Variants in NSD3 observed in about 807,000 individuals in gnomAD.
NSD3 encodes nuclear receptor binding SET domain protein 3, also known as histone-lysine N-methyltransferase NSD3.
NSD3 carries 24 observed loss-of-function variants against 160.8 expected under a neutral mutation model. That is an observed-to-expected ratio of 0.15 (90% CI 0.11 to 0.21). NSD3 has a LOEUF of 0.21. Among genes scored for constraint, NSD3 ranks in the 10% least tolerant of loss-of-function variants. NSD3 has a pLI of 1.00. For missense variants in NSD3, 1,157 were observed against 1,735.9 expected (o/e 0.67, Z 5.93); for synonymous variants, 520 against 600.0 (o/e 0.87, Z 1.95).
chr8:38,367,838 G>A (rs1006985421), intron 1 of NSD3, among the ~76,000 whole-genome samples: 4 of 152,160 alleles, frequency 2.6e-5, no homozygotes, highest in Non-Finnish European at 4.4e-5. Flanking sequence ...TAGTGACATA[G>A]ATAGGATTTT....
At chr8:38,338,860 G>A (rs971812531) in intron 2 of NSD3, among the ~76,000 whole-genome samples, 1 of 151,904 alleles carries the variant, frequency 6.6e-6, no homozygotes, top group East Asian at 1.9e-4. Flanking sequence ...TTAATTTCTA[G>A]GCCGGGTGCA....
Position 38,347,750 on chromosome 8 carries a change from T to G in NSD3, c.422A>C (p.Gln141Pro), listed in dbSNP as rs1563363830. Residue 141 changes from glutamine (Q) to proline (P), a missense_variant, in exon 2 of 24, where the codon CAA becomes CCA. Gln to Pro is a moderately conservative substitution (Grantham distance 76). Around this residue, in one of 10 missense-constraint regions of NSD3, gnomAD observed 121 missense variants for 177.2 expected, o/e 0.68. Coordinates refer to ENST00000317025, the MANE Select transcript of NSD3 (RefSeq NM_023034.2). ...PQPPPPPSVP[Q>P]TVIPKKTGSP... The stretch of plus-strand genomic sequence containing the variant: ...GCCAGTCTTCTTTGGAATCACAGTT[T>G]GTGGTACCGAAGGAGGAGGTGGTGG... 6.2e-7 allele frequency: 1 copy of G among 1,612,762 alleles called. No homozygotes were observed.
chr8:38,319,965 A>G lies in NSD3; in HGVS notation c.1810-1025T>C, dbSNP rs1462129210. ...TATTAGTTTAAAACTGACTGGTCAC[A>G]GACTGATTTTGGGAACCAGCTGGCA... On this transcript the variant is annotated intron_variant, in intron 8 of 23. Transcript: ENST00000317025. The surrounding 1 kb of genome is among the most constrained non-coding windows in gnomAD (Gnocchi z 4.1). The G allele has an allele frequency of 1.3e-5, 2 of 152,196 alleles. No homozygotes were observed. Among genetic ancestry groups the G allele is most frequent in the African/African-American group, 4.8e-5 (2 of 41,454 alleles). The allele number at this position is 152,196 out of a possible 1,614,324, so 9.4% of individuals were successfully genotyped here.
intron 4 of NSD3, among the ~76,000 whole-genome samples, chr8:38,334,063 G>C (rs558929135): frequency 1.3e-5 from 2 of 152,182 alleles, no homozygotes; most frequent in African/African-American, 4.8e-5. Flanking sequence ...AGCATAAAAT[G>C]CTTAATAGGC....
At position 38,318,660 on chromosome 8, in the gene NSD3, A is replaced by C. The variant is rs1414154879; in HGVS notation, c.1855+235T>G. Reference sequence around the variant, plus strand: ...TGGAGAAAAGTTGGAAACAGTATCAAGTCTACGTTGTGTTCTCCAATTTAC... The same window carrying C: ...TGGAGAAAAGTTGGAAACAGTATCACGTCTACGTTGTGTTCTCCAATTTAC... On this transcript the variant is annotated intron_variant, in intron 9 of 23. Coordinates refer to ENST00000317025, the MANE Select transcript of NSD3 (RefSeq NM_023034.2). This position sits in a 1 kb window ranked among gnomAD's most constrained non-coding sequence, Gnocchi z 5.3. 6.6e-6 allele frequency among the ~76,000 whole-genome samples: 1 copy of C among 152,196 alleles called. No homozygotes were observed. The highest frequency in any genetic ancestry group is 6.5e-5 in the Admixed American group (1 of 15,280).
intron 1 of NSD3, among the ~76,000 whole-genome samples, chr8:38,372,565 C>T (rs1426807341): frequency 6.7e-6 from 1 of 149,516 alleles, no homozygotes; most frequent in Non-Finnish European, 1.5e-5. Flanking sequence ...GACGTAATCT[C>T]GGCTCATTGC....
At chr8:38,354,836 G>A (rs1425951246) in intron 1 of NSD3, among the ~76,000 whole-genome samples, 2 of 152,058 alleles carry the variant, frequency 1.3e-5, no homozygotes, top group Non-Finnish European at 2.9e-5. Flanking sequence ...CTGGTGCCAT[G>A]TTCTAAGCAA....
chr8:38,300,071 T>C (rs1027333832), intron 14 of NSD3, among the ~76,000 whole-genome samples: 1 of 152,098 alleles, frequency 6.6e-6, no homozygotes, highest in Non-Finnish European at 1.5e-5. Context: ...TCTATTCATA[T>C]CTTCAGACAT....
At position 38,297,160 on chromosome 8, in the gene NSD3, T is replaced by C. The variant is rs141497369; in HGVS notation, c.2759-1208A>G. 3.9e-3 allele frequency among the ~76,000 whole-genome samples: 591 copies of C among 152,298 alleles called. 13 individuals are homozygous for C. The highest frequency in any genetic ancestry group is 0.034 in the Admixed American group (521 of 15,294). ...TTTATAGCATAAAATTAAGTAGTTATCAGTATAGAATGAAGTACCATATGC... is the reference window on the plus strand; with the variant it reads ...TTTATAGCATAAAATTAAGTAGTTACCAGTATAGAATGAAGTACCATATGC... On this transcript the variant is annotated intron_variant, in intron 15 of 23. Transcript: ENST00000317025.
intron 3 of NSD3, among the ~76,000 whole-genome samples, chr8:38,337,894 C>G (rs750101079): frequency 3.3e-5 from 5 of 152,160 alleles, no homozygotes; most frequent in Non-Finnish European, 5.9e-5. Context: ...TCTGATGCCT[C>G]CTATCTAAAA....
At position 38,273,979 on chromosome 8, in the gene NSD3, CCT is replaced by C. The variant is rs1254793425; in HGVS notation, c.*1660_*1661del. 4 of 152,068 alleles carry C rather than the reference CCT, an allele frequency of 2.6e-5. No homozygotes were observed. Among genetic ancestry groups the C allele is most frequent in the African/African-American group, 7.2e-5 (3 of 41,400 alleles). The allele number at this position is 152,068 out of a possible 1,614,324, so 9.4% of individuals were successfully genotyped here. A position where few individuals can be genotyped will look rare whatever the true frequency, so the allele number is the denominator to read the frequency against. On this transcript the variant is annotated 3_prime_UTR_variant, in exon 24 of 24. Transcript: ENST00000317025. ...AAAGAGGCACAAAACAGATTTTCAC[CCT>C]CTTTCCATAGAAGAGCTCTAAATTG...
chr8:38,281,259 T>C (rs1419076698), intron 20 of NSD3, among the ~76,000 whole-genome samples: 1 of 152,224 alleles, frequency 6.6e-6, no homozygotes, highest in East Asian at 1.9e-4. Flanking sequence ...CACAGTGCTG[T>C]CTTACATGAC....
intron 1 of NSD3, among the ~76,000 whole-genome samples, chr8:38,371,847 G>A (rs1344370969): frequency 6.6e-6 from 1 of 152,088 alleles, no homozygotes; most frequent in Non-Finnish European, 1.5e-5. Context: ...TACTCAGTGG[G>A]AAAAAAGCAT....
intron 13 of NSD3, 80 bp downstream of exon 13, chr8:38,305,168 G>A: frequency 7.0e-7 from 1 of 1,426,966 alleles, no homozygotes; most frequent in Admixed American, 2.0e-5. Context: ...GCCTTATGTT[G>A]TTTGTAATAT....
intron 14 of NSD3, chr8:38,303,521 C>T (rs568542260): frequency 8.1e-5 from 33 of 407,504 alleles, no homozygotes; most frequent in African/African-American, 5.4e-4. Flanking sequence ...CAAAGGACTA[C>T]GATTTATTTA....
At chr8:38,371,939 G>C (rs1490557722) in intron 1 of NSD3, among the ~76,000 whole-genome samples, 1 of 152,152 alleles carries the variant, frequency 6.6e-6, no homozygotes, top group African/African-American at 2.4e-5. Context: ...TGAAGGCCAG[G>C]AAAGCATAAT....
intron 1 of NSD3, among the ~76,000 whole-genome samples, chr8:38,350,832 T>C (rs902570158): frequency 6.6e-6 from 1 of 152,212 alleles, no homozygotes; most frequent in Admixed American, 6.5e-5. Flanking sequence ...CGTTACAATA[T>C]AGATAAGTAT....
chr8:38,322,972 C>T (rs1169270160), intron 7 of NSD3, among the ~76,000 whole-genome samples: 1 of 152,216 alleles, frequency 6.6e-6, no homozygotes, highest in Non-Finnish European at 1.5e-5. Context: ...ACAAGGTATG[C>T]TTATCAACCA....
chr8:38,327,211 T>C (rs1410904355), intron 6 of NSD3, among the ~76,000 whole-genome samples: 1 of 151,758 alleles, frequency 6.6e-6, no homozygotes, highest in African/African-American at 2.4e-5. Flanking sequence ...CACCACGCCC[T>C]GCTAATTTTT....
Sources: gnomAD v4.1 joint callset for allele counts (sites outside exome capture counted in the v4.1 genomes callset) on GRCh38, gnomAD v4.1.1 for gene constraint, gnomAD v4.1.1 regional missense constraint, Gnocchi (gnomAD v3.1) non-coding constraint, MANE v1.5 for transcripts, NCBI Gene and HGNC (gene_info 2026-07-23, HGNC 2026-07-21) for gene names.